AOAH: variants seen among roughly 807,000 people sequenced by gnomAD.
AOAH encodes acyloxyacyl hydrolase, also known as acyloxyacyl hydrolase (neutrophil).
In AOAH, 64 loss-of-function variants were observed where a neutral mutation model predicts 92.2. That is an observed-to-expected ratio of 0.69 (90% CI 0.57 to 0.86). The LOEUF (loss-of-function observed/expected upper bound fraction) is 0.86, where lower values mean the gene tolerates loss of function less well. Ranked by LOEUF, AOAH falls within the 40% of genes least tolerant of loss-of-function variation. AOAH has a pLI of 0.00. For synonymous variants in AOAH, 263 were observed against 254.5 expected (o/e 1.03, Z -0.32); for missense variants, 656 against 694.6 (o/e 0.94, Z 0.62).
At chr7:36,637,822 G>C in intron 5 of AOAH, 29 bp downstream of exon 5, 1 of 1,608,740 alleles carries the variant, frequency 6.2e-7, no homozygotes, top group Non-Finnish European at 8.5e-7. Flanking sequence ...CCAAGGAAAA[G>C]GCTGGCGTTC....
At chr7:36,678,582 TGTGTGTGTGTGTGTGTGTGCGC>T (rs1255658422) in intron 2 of AOAH, among the ~76,000 whole-genome samples, 1 of 108,070 alleles carries the variant, frequency 9.3e-6, no homozygotes, top group African/African-American at 4.5e-5. Flanking sequence ...TGTGTGTGTG[TGTGTGTGTGTGTGTGTGTGCGC>T]GCGCGCGCGC....
chr7:36,532,108 T>C (rs780824554), intron 18 of AOAH, 39 bp downstream of exon 18: 9 of 1,609,846 alleles, frequency 5.6e-6, no homozygotes, highest in Non-Finnish European at 6.8e-6. Context: ...AGGGAAAGAA[T>C]GATCAAAGAT....
chr7:36,536,211 G>A (rs1440448723), intron 16 of AOAH, among the ~76,000 whole-genome samples: 1 of 152,182 alleles, frequency 6.6e-6, no homozygotes, highest in Non-Finnish European at 1.5e-5. Flanking sequence ...CTGTCCTTCT[G>A]AGGGAAAAGG....
intron 4 of AOAH, among the ~76,000 whole-genome samples, chr7:36,643,743 G>A (rs1407740466): frequency 6.6e-6 from 1 of 152,122 alleles, no homozygotes; most frequent in Non-Finnish European, 1.5e-5. Context: ...TGGATCATGG[G>A]GGTGGATTTC....
chr7:36,717,724 C>CTTTTTT (rs1237909204), intron 1 of AOAH, among the ~76,000 whole-genome samples: 1 of 81,516 alleles, frequency 1.2e-5, no homozygotes, highest in Non-Finnish European at 2.4e-5. Flanking sequence ...TTTTTCTCTT[C>CTTTTTT]TTATTTTTTT....
intron 1 of AOAH, among the ~76,000 whole-genome samples, chr7:36,710,908 G>C (rs1798727810): frequency 6.8e-6 from 1 of 147,512 alleles, no homozygotes; most frequent in South Asian, 2.2e-4. Flanking sequence ...ACAGTTCTAA[G>C]TGACAGGCTG....
chr7:36,566,429 G>T (rs1302619093), intron 13 of AOAH, among the ~76,000 whole-genome samples: 1 of 151,326 alleles, frequency 6.6e-6, no homozygotes, highest in Admixed American at 6.6e-5. Flanking sequence ...ACTGGCAGAG[G>T]GCTGGATTCC....
At chr7:36,582,913 C>T (rs1251630302) in intron 12 of AOAH, among the ~76,000 whole-genome samples, 3 of 151,578 alleles carry the variant, frequency 2.0e-5, no homozygotes, top group Non-Finnish European at 2.9e-5. Context: ...GGCATGATCT[C>T]GGCTCACTGC....
rs1350367800 is a variant in AOAH at position 36,517,198 on chromosome 7, C to CT, written c.1600-3819dup. Among the ~76,000 whole-genome samples, 66 of 71,068 alleles carry CT rather than the reference C, an allele frequency of 9.3e-4. 1 individual carries two copies. Among genetic ancestry groups the CT allele is most frequent in the African/African-American group, 3.1e-3 (62 of 20,174 alleles). The allele number at this position is 71,068 out of a possible 152,430, so 46.6% of individuals were successfully genotyped here. A position where few individuals can be genotyped will look rare whatever the true frequency, so the allele number is the denominator to read the frequency against. ...TCTTTCTTTCTTTCTTTCTTTCTTT[C>CT]TTTCTTTCTTTCTTTCTCTTTCTTT... is the stretch of plus-strand genomic sequence containing the variant. On this transcript the variant is annotated intron_variant, in intron 20 of 20. Transcript: ENST00000617537.
At chr7:36,671,486 T>A (rs1795921008) in intron 3 of AOAH, among the ~76,000 whole-genome samples, 1 of 152,218 alleles carries the variant, frequency 6.6e-6, no homozygotes. Flanking sequence ...AATGGATAAT[T>A]CAGTTACAAA....
chr7:36,515,298 A>G (rs1783554837), intron 20 of AOAH, among the ~76,000 whole-genome samples: 1 of 95,572 alleles, frequency 1.0e-5, no homozygotes, highest in South Asian at 3.8e-4. Context: ...CACACCACAC[A>G]CACACTATAC....
At chr7:36,556,998 T>C (rs1488920394) in intron 13 of AOAH, among the ~76,000 whole-genome samples, 1 of 151,848 alleles carries the variant, frequency 6.6e-6, no homozygotes, top group Non-Finnish European at 1.5e-5. Flanking sequence ...AAAGTTAATA[T>C]TGTTATGTGT....
At chr7:36,549,921 T>C (rs1326044624) in intron 13 of AOAH, among the ~76,000 whole-genome samples, 1 of 152,182 alleles carries the variant, frequency 6.6e-6, no homozygotes, top group African/African-American at 2.4e-5. Flanking sequence ...CTCCTATTAT[T>C]CTTGCACACT....
At chr7:36,595,662 G>GA (rs1445888483) in intron 11 of AOAH, among the ~76,000 whole-genome samples, 4 of 152,180 alleles carry the variant, frequency 2.6e-5, no homozygotes, top group Admixed American at 2.6e-4. Flanking sequence ...ACTTATACTT[G>GA]AAAAATTTGT....
intron 11 of AOAH, among the ~76,000 whole-genome samples, chr7:36,615,863 T>C (rs1203948433): frequency 2.0e-5 from 3 of 151,920 alleles, no homozygotes; most frequent in Non-Finnish European, 4.4e-5. Flanking sequence ...GTTTGCAATT[T>C]TGCCTTGTGG....
At chr7:36,556,430 TG>T (rs1428311206) in intron 13 of AOAH, among the ~76,000 whole-genome samples, 2 of 152,116 alleles carry the variant, frequency 1.3e-5, no homozygotes, top group East Asian at 3.9e-4. Context: ...GGAATAGGTG[TG>T]GTGTGGTGAT....
At chr7:36,611,017 G>T (rs1056978738) in intron 11 of AOAH, among the ~76,000 whole-genome samples, 1 of 152,192 alleles carries the variant, frequency 6.6e-6, no homozygotes, top group South Asian at 2.1e-4. Flanking sequence ...TGGAGATTTG[G>T]AGTGGTTGGT....
chr7:36,530,214 G>A (rs996237598), intron 19 of AOAH, among the ~76,000 whole-genome samples: 1 of 152,190 alleles, frequency 6.6e-6, no homozygotes, highest in Non-Finnish European at 1.5e-5. Flanking sequence ...AAGTACAGAG[G>A]TAATGCTGAA....
chr7:36,662,358 G>A (rs1795266872), intron 3 of AOAH, among the ~76,000 whole-genome samples: 1 of 152,188 alleles, frequency 6.6e-6, no homozygotes, highest in Non-Finnish European at 1.5e-5. Context: ...CTTAGCCCCA[G>A]GTCCCTTCAA....
Sources: gnomAD v4.1 joint callset for allele counts (sites outside exome capture counted in the v4.1 genomes callset) on GRCh38, gnomAD v4.1.1 for gene constraint, MANE v1.5 for transcripts, NCBI Gene and HGNC (gene_info 2026-07-23, HGNC 2026-07-21) for gene names.